The following SLC43A1 variants were observed in gnomAD, a reference collection of about 807,000 sequenced individuals.
The protein encoded by SLC43A1 is solute carrier family 43 member 1, also known as large neutral amino acids transporter small subunit 3.
Under a neutral mutation model 59.5 loss-of-function variants are expected in SLC43A1, and 31 were observed. That is an observed-to-expected ratio of 0.52 (90% CI 0.39 to 0.70). SLC43A1 has a LOEUF of 0.70. Ranked by LOEUF, SLC43A1 falls within the 30% of genes least tolerant of loss-of-function variation. The probability of loss-of-function intolerance (pLI) is 0.00; values close to 1 mark genes in which losing one functional copy is unlikely to be tolerated. For missense variants in SLC43A1, 598 were observed against 717.8 expected, an observed-to-expected ratio of 0.83 and a Z score of 1.91; for synonymous variants, 259 against 290.9, an observed-to-expected ratio of 0.89 and a Z score of 1.12.
intron 2 of SLC43A1, among the ~76,000 whole-genome samples, chr11:57,504,902 A>T (rs1469463719): frequency 6.6e-6 from 1 of 152,250 alleles, no homozygotes; most frequent in Non-Finnish European, 1.5e-5. Flanking sequence ...AGGCTTGATC[A>T]CTCTGAGTAG....
At chr11:57,505,142 A>T (rs573882937) in intron 2 of SLC43A1, among the ~76,000 whole-genome samples, 1 of 152,352 alleles carries the variant, frequency 6.6e-6, no homozygotes, top group South Asian at 2.1e-4. Flanking sequence ...GCATGTGAGC[A>T]CTCAAGATGG....
Position 57,491,832 on chromosome 11 carries a change from G to A in SLC43A1, c.902C>T (p.Ser301Phe). 6 of 1,614,194 alleles carry A rather than the reference G, an allele frequency of 3.7e-6. No homozygotes were observed. The highest frequency in any genetic ancestry group is 5.1e-6 in the Non-Finnish European group (6 of 1,180,034). Residue 301 changes from serine (S) to phenylalanine (F), a missense_variant, in exon 9 of 15, where the codon TCC (serine) becomes TTC (phenylalanine). Physicochemically the swap from Ser to Phe is radical, Grantham distance 155. Coordinates refer to ENST00000278426, the MANE Select transcript of SLC43A1 (RefSeq NM_003627.6). ...GAGGAGGCTCCACAGGAAAGTGGGG[G>A]AGCAGAGGCTCTTGCGTAAGGGGAC... Reference protein sequence around the residue: ...RSVPLRKSLCSPTFLWSLLTM... With the variant: ...RSVPLRKSLCFPTFLWSLLTM...
At chr11:57,495,263 C>T (rs1038557634) in intron 7 of SLC43A1, among the ~76,000 whole-genome samples, 3 of 151,700 alleles carry the variant, frequency 2.0e-5, no homozygotes, top group Admixed American at 1.3e-4. Flanking sequence ...CTGAGCCAGG[C>T]GGATCACTTG....
At chr11:57,510,949 T>C (rs1182795134) in intron 2 of SLC43A1, among the ~76,000 whole-genome samples, 1 of 151,916 alleles carries the variant, frequency 6.6e-6, no homozygotes, top group Admixed American at 6.6e-5. Context: ...GCCATTGCAC[T>C]CCAGCCTGGG....
intron 2 of SLC43A1, among the ~76,000 whole-genome samples, chr11:57,506,008 A>G (rs886665798): frequency 3.9e-5 from 6 of 152,146 alleles, no homozygotes; most frequent in African/African-American, 1.2e-4. Flanking sequence ...TCCTAACCCC[A>G]TGATGCTTCC....
chr11:57,514,688 A>T lies in SLC43A1; in HGVS notation c.-13-564T>A, dbSNP rs1944638456. ...CGTATCAGGTGACCCACGACCCTAC[A>T]GTCTCTCGGGCCAAGCCAACAGCTG... On this transcript the variant is annotated intron_variant, in intron 1 of 14. Transcript: ENST00000278426. This position sits in a 1 kb window ranked among gnomAD's most constrained non-coding sequence, Gnocchi z 5.5. The T allele has an allele frequency of 3.0e-6, 1 of 334,802 alleles. No homozygotes were observed. Among genetic ancestry groups the T allele is most frequent in the Non-Finnish European group, 4.3e-6 (1 of 234,856 alleles). The allele number at this position is 334,802 out of a possible 1,614,324, so 20.7% of individuals were successfully genotyped here. A position where few individuals can be genotyped will look rare whatever the true frequency, so the allele number is the denominator to read the frequency against.
chr11:57,487,388 A>G lies in SLC43A1; in HGVS notation c.1410-170T>C, dbSNP rs147731466. Among the ~76,000 whole-genome samples the G allele has an allele frequency of 5.6e-3, 852 of 152,318 alleles. 10 individuals are homozygous for G. The highest frequency in any genetic ancestry group is 0.01 in the Middle Eastern group (3 of 294). ...CCCCAGCCTTGAGGGCAAATGCTCC[A>G]ACTTCAGGGCCACTGAGCTGGGTTC... is the stretch of plus-strand genomic sequence containing the variant. On this transcript the variant is annotated intron_variant, in intron 13 of 14. Transcript: ENST00000278426.
Position 57,514,058 on chromosome 11 carries a change from C to T in SLC43A1, c.54G>A (p.Thr18=), listed in dbSNP as rs975346418. 5.0e-6 allele frequency: 8 copies of T among 1,607,376 alleles called. No homozygotes were observed. The East Asian group carries it at 1.6e-4, about 32-fold the overall frequency. ...AYRRRWWMAC[T]AVLENLFFSA... ...AGAAGAAGAGGTTCTCCAGCACAGC[C>T]GTGCAGGCCATCCACCAGCGCCTCC... The change falls in exon 2 of 15, where the codon ACG becomes ACA. Residue 18 remains threonine (T), a synonymous_variant. Coordinates refer to ENST00000278426, the MANE Select transcript of SLC43A1 (RefSeq NM_003627.6). This position sits in a 1 kb window ranked among gnomAD's most constrained non-coding sequence, Gnocchi z 5.5.
chr11:57,497,199 G>A (rs1324051699), intron 6 of SLC43A1, among the ~76,000 whole-genome samples: 1 of 89,100 alleles, frequency 1.1e-5, no homozygotes, highest in Non-Finnish European at 2.7e-5. Context: ...AGCATGGCAT[G>A]GCTCAGTCAA....
chr11:57,492,219 ATT>A (rs1491263877), intron 8 of SLC43A1, among the ~76,000 whole-genome samples: 93 of 141,342 alleles, frequency 6.6e-4, no homozygotes, highest in East Asian at 3.2e-3. Flanking sequence ...ATATATATAT[ATT>A]TATTTATTTA....
rs868509702 is a variant in SLC43A1 at position 57,484,951 on chromosome 11, T to C, written c.*145A>G. ...TTTTTTTCCTCCTTTTTGCAGTCTT[T>C]ACAAAAATAGAACTTCTCTTGGTAT... On this transcript the variant is annotated 3_prime_UTR_variant, in exon 15 of 15. Coordinates refer to ENST00000278426, the MANE Select transcript of SLC43A1 (RefSeq NM_003627.6). The C allele has an allele frequency of 8.5e-6, 9 of 1,052,876 alleles. No individual in the cohort carries two copies. Among genetic ancestry groups the C allele is most frequent in the Middle Eastern group, 3.2e-4 (1 of 3,090 alleles). The allele number at this position is 1,052,876 out of a possible 1,614,324, so 65.2% of individuals were successfully genotyped here. A position where few individuals can be genotyped will look rare whatever the true frequency, so the allele number is the denominator to read the frequency against.
At chr11:57,499,178 G>C (rs1459533801) in intron 5 of SLC43A1, among the ~76,000 whole-genome samples, 1 of 152,140 alleles carries the variant, frequency 6.6e-6, no homozygotes, top group South Asian at 2.1e-4. Flanking sequence ...GAAAAAATTA[G>C]CCGGGCGTGG....
intron 5 of SLC43A1, among the ~76,000 whole-genome samples, 187 bp from the exon 6 acceptor site, chr11:57,498,032 CA>C (rs1944141021): frequency 6.6e-6 from 1 of 152,184 alleles, no homozygotes; most frequent in Admixed American, 6.5e-5. Context: ...CCTTTAGCTT[CA>C]AAAAGGCTCC....
At chr11:57,485,351 A>G in intron 14 of SLC43A1, 109 bp from the exon 15 acceptor site, 2 of 968,186 alleles carry the variant, frequency 2.1e-6, no homozygotes, top group Admixed American at 5.7e-5. Flanking sequence ...GCCAGAATAA[A>G]TACAGCTAGT....
At position 57,493,913 on chromosome 11, in the gene SLC43A1, TACTC is replaced by T. The variant is rs1208279168; in HGVS notation, c.871+76_871+79del. 8.6e-6 allele frequency: 12 copies of T among 1,397,734 alleles called. No individual in the cohort carries two copies. In the East Asian group the frequency reaches 1.0e-4, roughly 12 times the overall value. 86.6% of individuals were successfully genotyped at this position (1,397,734 alleles called of 1,614,324 possible). ...AGGACTGAAGAGGGGTGCGAATAAA[TACTC>T]AACCATGAGTGCTCACTGAATATGA... On this transcript the variant is annotated intron_variant, in intron 8 of 14. Coordinates refer to ENST00000278426, the MANE Select transcript of SLC43A1 (RefSeq NM_003627.6).
intron 14 of SLC43A1, among the ~76,000 whole-genome samples, chr11:57,486,799 A>C (rs1375504617): frequency 6.6e-6 from 1 of 151,922 alleles, no homozygotes; most frequent in Non-Finnish European, 1.5e-5. Flanking sequence ...ACAGAATGAG[A>C]CTCCGTCTCA....
intron 2 of SLC43A1, among the ~76,000 whole-genome samples, chr11:57,512,759 C>T (rs1944581762): frequency 6.6e-6 from 1 of 152,022 alleles, no homozygotes; most frequent in Non-Finnish European, 1.5e-5. Flanking sequence ...CTGCCAACCC[C>T]ACCTCCTCCA....
intron 12 of SLC43A1, 127 bp downstream of exon 12, chr11:57,489,124 G>A: frequency 6.9e-7 from 1 of 1,450,774 alleles, no homozygotes. Context: ...ACACTTCCTG[G>A]AGAACCCGGA....
At position 57,487,091 on chromosome 11, in the gene SLC43A1, TCA is replaced by T; in HGVS notation, c.1533+2_1533+3del. The T allele has an allele frequency of 6.2e-7, 1 of 1,613,548 alleles. No homozygotes were observed. Among genetic ancestry groups the T allele is most frequent in the Non-Finnish European group, 8.5e-7 (1 of 1,179,832 alleles). On this transcript the variant is annotated splice_donor_variant and splice_donor_region_variant and intron_variant, in intron 14 of 14. Transcript: ENST00000278426. LOFTEE classifies it high-confidence loss of function. ...GCTCCCCCCACACCAACCCTCGCTC[TCA>T]CCCAGAAGGGCTCTCCTTTCAGGGG...
Sources: allele counts gnomAD v4.1 joint callset (sites outside exome capture counted in the v4.1 genomes callset), GRCh38; gene constraint gnomAD v4.1.1; non-coding constraint Gnocchi (gnomAD v3.1); transcripts MANE v1.5; gene names NCBI Gene and HGNC (gene_info 2026-07-23, HGNC 2026-07-21).